The following CTNNBL1 variants were observed in gnomAD, a reference collection of about 807,000 sequenced individuals.
CTNNBL1 encodes the protein beta-catenin-like protein 1.
A neutral mutation model predicts 72.7 loss-of-function variants in CTNNBL1; 31 were observed. The observed-to-expected ratio is 0.43, with a 90% CI of 0.32 to 0.58. The LOEUF (loss-of-function observed/expected upper bound fraction) is 0.58, where lower values mean the gene tolerates loss of function less well. Ranked by LOEUF, CTNNBL1 falls within the 20% of genes least tolerant of loss-of-function variation. The pLI is 0.08. For synonymous variants in CTNNBL1, 240 were observed against 267.3 expected, an observed-to-expected ratio of 0.90 and a Z score of 1.00; for missense variants, 534 against 725.1, an observed-to-expected ratio of 0.74 and a Z score of 3.03.
chr20:37,717,955 A>C (rs2122570325), intron 1 of CTNNBL1, among the ~76,000 whole-genome samples: 1 of 152,334 alleles, frequency 6.6e-6, no homozygotes, highest in African/African-American at 2.4e-5. Context: ...ATCCCAAGGC[A>C]GAAGAATTTT....
At chr20:37,868,705 CA>C (rs1247682285) in intron 15 of CTNNBL1, among the ~76,000 whole-genome samples, 2 of 152,280 alleles carry the variant, frequency 1.3e-5, no homozygotes, top group Non-Finnish European at 2.9e-5. Flanking sequence ...GGCCTCGGCA[CA>C]GGTGATTCGG....
At chr20:37,830,688 A>G (rs2072201106) in intron 11 of CTNNBL1, among the ~76,000 whole-genome samples, 1 of 152,240 alleles carries the variant, frequency 6.6e-6, no homozygotes, top group African/African-American at 2.4e-5. Flanking sequence ...AAAATATGGT[A>G]AGTCAGAAAT....
chr20:37,757,501 A>G, intron 4 of CTNNBL1, 58 bp from the exon 5 acceptor site: 1 of 1,235,886 alleles, frequency 8.1e-7, no homozygotes, highest in Non-Finnish European at 1.2e-6. Context: ...GGAATCAAGG[A>G]TTAAGAAAAA....
At chr20:37,756,454 A>ATGTGTGTGTGTGTGTC (rs1329551815) in intron 4 of CTNNBL1, 4 of 144,324 alleles carry the variant, frequency 2.8e-5, no homozygotes, top group Non-Finnish European at 4.6e-5. Context: ...CCGTGTGTGT[A>ATGTGTGTGTGTGTGTC]TGTGTGTGTG....
At chr20:37,856,416 C>T (rs893510287) in intron 13 of CTNNBL1, among the ~76,000 whole-genome samples, 1 of 152,094 alleles carries the variant, frequency 6.6e-6, no homozygotes, top group East Asian at 1.9e-4. Context: ...ATCATATCTG[C>T]TCGGGGTTCT....
At chr20:37,800,807 A>G (rs986721964) in intron 10 of CTNNBL1, among the ~76,000 whole-genome samples, 6 of 151,994 alleles carry the variant, frequency 3.9e-5, no homozygotes, top group Admixed American at 3.9e-4. Flanking sequence ...AGCTAGGAAC[A>G]CTCTGCTCCT....
chr20:37,868,576 G>A (rs969047092), intron 15 of CTNNBL1, among the ~76,000 whole-genome samples: 18 of 152,316 alleles, frequency 1.2e-4, no homozygotes, highest in African/African-American at 3.6e-4. Context: ...TGGGCCAGTC[G>A]GATATCCCCT....
intron 10 of CTNNBL1, among the ~76,000 whole-genome samples, chr20:37,790,920 A>G (rs936731847): frequency 2.0e-5 from 3 of 152,018 alleles, no homozygotes; most frequent in Non-Finnish European, 4.4e-5. Context: ...CTCTCCCCCT[A>G]CCTCAGTGTC....
At chr20:37,814,399 C>G (rs1020295522) in intron 11 of CTNNBL1, among the ~76,000 whole-genome samples, 1 of 152,184 alleles carries the variant, frequency 6.6e-6, no homozygotes, top group Admixed American at 6.5e-5. Flanking sequence ...TCAGACCTAT[C>G]TATCTACCCA....
intron 10 of CTNNBL1, among the ~76,000 whole-genome samples, chr20:37,786,122 C>A (rs1432892457): frequency 6.6e-6 from 1 of 152,236 alleles, no homozygotes; most frequent in East Asian, 1.9e-4. Context: ...CTCTCTCTCT[C>A]TCTGTGCTGA....
intron 15 of CTNNBL1, among the ~76,000 whole-genome samples, chr20:37,860,974 G>A (rs984517207): frequency 3.9e-5 from 6 of 152,200 alleles, no homozygotes; most frequent in African/African-American, 1.4e-4. Context: ...TTTCAGTACT[G>A]TGTGCAGTTT....
At chr20:37,750,149 T>A (rs1392067741) in intron 4 of CTNNBL1, 1 of 152,218 alleles carries the variant, frequency 6.6e-6, no homozygotes, top group African/African-American at 2.4e-5. Flanking sequence ...TTGTGCCTCA[T>A]CCTTTCAACC....
chr20:37,869,119 T>C (rs1418772172), intron 15 of CTNNBL1, among the ~76,000 whole-genome samples: 1 of 152,214 alleles, frequency 6.6e-6, no homozygotes, highest in Non-Finnish European at 1.5e-5. Flanking sequence ...TTGGAGGTGA[T>C]GGATGGGCCT....
intron 11 of CTNNBL1, among the ~76,000 whole-genome samples, chr20:37,812,260 A>G (rs1046249479): frequency 1.7e-4 from 26 of 152,190 alleles, no homozygotes; most frequent in African/African-American, 5.8e-4. Context: ...ATATGGTAAT[A>G]TAGTTATTGC....
intron 1 of CTNNBL1, among the ~76,000 whole-genome samples, chr20:37,719,843 T>C (rs2073024899): frequency 6.6e-6 from 1 of 151,492 alleles, no homozygotes; most frequent in Non-Finnish European, 1.5e-5. Context: ...TTCTTTTCTT[T>C]TCTTTTTTTT....
chr20:37,772,044 G>GTT (rs2073529785), intron 7 of CTNNBL1, among the ~76,000 whole-genome samples: 1 of 152,188 alleles, frequency 6.6e-6, no homozygotes, highest in Non-Finnish European at 1.5e-5. Context: ...CCGTAACTGT[G>GTT]TGATGCTCGC....
At chr20:37,771,157 A>C (rs75183534) in intron 7 of CTNNBL1, among the ~76,000 whole-genome samples, 3,652 of 152,272 alleles carry the variant, frequency 0.024, 141 homozygotes, top group African/African-American at 0.085. Context: ...CAAATATGAT[A>C]ATGCTTTTAA....
chr20:37,748,271 T>C (rs976275959), intron 4 of CTNNBL1, among the ~76,000 whole-genome samples: 1 of 152,234 alleles, frequency 6.6e-6, no homozygotes, highest in African/African-American at 2.4e-5. Context: ...TAATGCAGGC[T>C]TCTTGAAGGG....
intron 11 of CTNNBL1, among the ~76,000 whole-genome samples, chr20:37,824,150 G>C (rs983933299): frequency 3.3e-5 from 5 of 152,236 alleles, no homozygotes; most frequent in Non-Finnish European, 5.9e-5. Context: ...CTGACGTATA[G>C]CTATCTTCAT....
Sources: gnomAD v4.1 joint callset for allele counts (sites outside exome capture counted in the v4.1 genomes callset) on GRCh38, gnomAD v4.1.1 for gene constraint, MANE v1.5 for transcripts, NCBI Gene and HGNC (gene_info 2026-07-23, HGNC 2026-07-21) for gene names.